Variants in HUWE1 observed in about 807,000 individuals in gnomAD.
The protein encoded by HUWE1 is E3 ubiquitin-protein ligase HUWE1.
Under a neutral mutation model 299.4 loss-of-function variants are expected in HUWE1, and 18 were observed. The observed-to-expected ratio is 0.06, with a 90% confidence interval of 0.04 to 0.09. HUWE1 has a LOEUF of 0.09. HUWE1 is among the 10% of genes least tolerant of loss of function. The probability of loss-of-function intolerance (pLI) is 1.00; values close to 1 mark genes in which losing one functional copy is unlikely to be tolerated. For missense variants in HUWE1, 1,832 were observed against 3,462.3 expected, an observed-to-expected ratio of 0.53 and a Z score of 11.82; for synonymous variants, 1,317 against 1,286.1, an observed-to-expected ratio of 1.02 and a Z score of -0.51.
chrX:53,546,331 T>C, intron 70 of HUWE1, 105 bp downstream of exon 70: 1 of 710,577 alleles, frequency 1.4e-6, no homozygotes, highest in Non-Finnish European at 2.2e-6. Flanking sequence ...TATAGGGATA[T>C]GGAGGTATCT....
chrX:53,557,145 C>T (rs782334501), intron 60 of HUWE1: 15 of 506,605 alleles, frequency 3.0e-5, no homozygotes, highest in Admixed American at 5.1e-5. Flanking sequence ...TAGATAATAA[C>T]CAGAACAAGA....
intron 3 of HUWE1, among the ~76,000 whole-genome samples, chrX:53,671,644 T>A (rs1207961270): frequency 5.5e-5 from 6 of 109,045 alleles, no homozygotes; most frequent in African/African-American, 2.0e-4. Context: ...CAAAAAAAAA[T>A]TAGCCGGGCG....
intron 3 of HUWE1, among the ~76,000 whole-genome samples, chrX:53,668,334 C>T (rs1258212895): frequency 4.6e-5 from 5 of 107,721 alleles, no homozygotes; most frequent in South Asian, 4.2e-4. Flanking sequence ...CCCAGCTACT[C>T]GGGAGGCCGA....
In HUWE1 at chrX:53,594,628, G is replaced by A; in HGVS notation, c.3381-7C>T. On this transcript the variant is annotated splice_region_variant and splice_polypyrimidine_tract_variant and intron_variant, in intron 30 of 83. Coordinates refer to ENST00000262854, the MANE Select transcript of HUWE1 (RefSeq NM_031407.7). ...ACAGATGAAGAATGTCAGCCTGAAA[G>A]TGGAAAAAAAGGCAAAACTTTAACC... 1 of 1,209,381 alleles carries A rather than the reference G, an allele frequency of 8.3e-7. No homozygotes were observed. Among genetic ancestry groups the A allele is most frequent in the Non-Finnish European group, 1.1e-6 (1 of 893,903 alleles).
At position 53,558,951 on chromosome X, in the gene HUWE1, A is replaced by C; in HGVS notation, c.8005+20T>G. The C allele has an allele frequency of 8.4e-7, 1 of 1,190,270 alleles. No individual in the cohort carries two copies. The highest frequency in any genetic ancestry group is 1.1e-6 in the Non-Finnish European group (1 of 879,717). ...CTCTGGAAGGCTCACTATTGCCCTG[A>C]TAACCAAGCTGCCACGCACCTGAAA... On this transcript the variant is annotated intron_variant, in intron 58 of 83. Coordinates refer to ENST00000262854, the MANE Select transcript of HUWE1 (RefSeq NM_031407.7).
intron 49 of HUWE1, among the ~76,000 whole-genome samples, chrX:53,566,113 A>G (rs797034024): frequency 0.021 from 1,186 of 55,463 alleles, 26 homozygotes; most frequent in African/African-American, 0.036. Context: ...GTATGTATGT[A>G]TGTATGTGTG....
Position 53,647,438 on chromosome X carries a change from A to G in HUWE1, c.281T>C (p.Leu94Ser). 1.7e-6 allele frequency: 2 copies of G among 1,209,895 alleles called. No individual in the cohort carries two copies. Among genetic ancestry groups the G allele is most frequent in the Admixed American group, 2.2e-5 (1 of 46,018 alleles). ...PEREQLKMLL[L>S]AVLNFTALLI... is the part of the protein sequence containing the mutation. ...CAAGGCTGTGAAGTTCAACACAGCC[A>G]AGAGAAGCATTTTCAGTTGCTCTCT... Residue 94 changes from leucine (L) to serine (S), a missense_variant, in exon 6 of 84, where the codon TTG (leucine) becomes TCG (serine). Physicochemically the swap from Leu to Ser is moderately radical, Grantham distance 145. This residue lies in a region of HUWE1 where 658 missense variants were observed against 1,282.6 expected (regional missense o/e 0.51). Transcript: ENST00000262854.
At position 53,575,598 on chromosome X, in the gene HUWE1, T is replaced by A. The variant is rs782250887; in HGVS notation, c.6030+45A>T. ...CCTAAATACTGAGACCACACAGGCA[T>A]TGAAAAATGAGAAGAAAGATAAAAC... is the stretch of plus-strand genomic sequence containing the variant. On this transcript the variant is annotated intron_variant, in intron 45 of 83. Coordinates refer to ENST00000262854, the MANE Select transcript of HUWE1 (RefSeq NM_031407.7). 12 of 1,170,332 alleles carry A rather than the reference T, an allele frequency of 1.0e-5. No individual in the cohort carries two copies. The East Asian group carries it at 1.5e-4, about 15-fold the overall frequency.
At chrX:53,600,737 G>A (rs782616035) in intron 28 of HUWE1, among the ~76,000 whole-genome samples, 5 of 112,634 alleles carry the variant, frequency 4.4e-5, no homozygotes, top group Non-Finnish European at 5.6e-5. Context: ...TTATGTATAT[G>A]AATGTGACAT....
intron 4 of HUWE1, among the ~76,000 whole-genome samples, chrX:53,653,020 A>G (rs1363713028): frequency 8.9e-6 from 1 of 111,898 alleles, no homozygotes. Flanking sequence ...GGTGGCATGC[A>G]CCTATGGTCC....
rs781986790 is a variant in HUWE1 at position 53,600,263 on chromosome X, C to G, written c.3018G>C (p.Gln1006His). The G allele has an allele frequency of 8.3e-7, 1 of 1,210,405 alleles. No homozygotes were observed. Among genetic ancestry groups the G allele is most frequent in the South Asian group, 1.8e-5 (1 of 56,822 alleles). The change falls in exon 29 of 84, where the codon CAG (glutamine) becomes CAC (histidine). Residue 1006 changes from glutamine (Q) to histidine (H), a missense_variant. Around this residue, in one of 15 missense-constraint regions of HUWE1, gnomAD observed 658 missense variants for 1,282.6 expected, o/e 0.51. Coordinates refer to ENST00000262854, the MANE Select transcript of HUWE1 (RefSeq NM_031407.7). Reference sequence around the variant, plus strand: ...CTAGCCCAATGCCTTCTAATAAGCCCTGGGTAGAAGCATCCATACTTCCAG... The same window carrying G: ...CTAGCCCAATGCCTTCTAATAAGCCGTGGGTAGAAGCATCCATACTTCCAG... ...GAAGSMDAST[Q>H]GLLEGIGLDG...
chrX:53,670,017 G>T (rs1399351698), intron 3 of HUWE1, among the ~76,000 whole-genome samples: 1 of 111,874 alleles, frequency 8.9e-6, no homozygotes, highest in Non-Finnish European at 1.9e-5. Flanking sequence ...CCTTTAATTT[G>T]AAAAAGTTTT....
intron 5 of HUWE1, 114 bp from the exon 6 acceptor site, chrX:53,647,688 C>T: frequency 1.7e-6 from 1 of 587,212 alleles, no homozygotes; most frequent in Admixed American, 2.3e-5. Flanking sequence ...GACAAGTTCA[C>T]GTCCCACCCT....
Position 53,535,173 on chromosome X carries a change from G to C in HUWE1, c.12649+211C>G, listed in dbSNP as rs189274828. On this transcript the variant is annotated intron_variant, in intron 81 of 83. Coordinates refer to ENST00000262854, the MANE Select transcript of HUWE1 (RefSeq NM_031407.7). ...TGGTCTCAAACTCCTCACCTCAACTGATCCGCCCACCTTGGCCTCCCAAAG... is the reference window on the plus strand; with the variant it reads ...TGGTCTCAAACTCCTCACCTCAACTCATCCGCCCACCTTGGCCTCCCAAAG... 2.9e-3 allele frequency among the ~76,000 whole-genome samples: 320 copies of C among 111,270 alleles called. 1 individual carries two copies. Among genetic ancestry groups the C allele is most frequent in the Non-Finnish European group, 5.0e-3 (265 of 53,001 alleles).
intron 7 of HUWE1, among the ~76,000 whole-genome samples, chrX:53,636,410 G>A (rs782292868): frequency 4.4e-5 from 5 of 112,857 alleles, no homozygotes; most frequent in East Asian, 2.8e-4. Context: ...TACAAGGTTC[G>A]ACATTCATTA....
At position 53,648,227 on chromosome X, in the gene HUWE1, T is replaced by A. The variant is rs2068198751; in HGVS notation, c.129A>T (p.Thr43=). Residue 43 remains threonine, a synonymous_variant, in exon 5 of 84, where the codon ACA becomes ACT. Transcript: ENST00000262854. ...QLLLELQQIK[T]WNIGKCELYH... ...CTTCACATACCTTTCCAATGTTCCA[T>A]GTTTTGATCTGCTGCAGTTCCAAGA... is the stretch of plus-strand genomic sequence containing the variant. The A allele has an allele frequency of 8.4e-7, 1 of 1,194,175 alleles. No individual in the cohort carries two copies. The highest frequency in any genetic ancestry group is 1.8e-5 in the African/African-American group (1 of 56,854).
intron 44 of HUWE1, among the ~76,000 whole-genome samples, chrX:53,576,041 T>C (rs1208902515): frequency 8.9e-6 from 1 of 112,386 alleles, no homozygotes; most frequent in African/African-American, 3.2e-5. Context: ...CCTGGCACTA[T>C]TGCTCATGCA....
chrX:53,660,337 T>C (rs1306724665), intron 3 of HUWE1, among the ~76,000 whole-genome samples: 2 of 112,122 alleles, frequency 1.8e-5, no homozygotes, highest in African/African-American at 6.5e-5. Flanking sequence ...GTGTAAGCAT[T>C]TGATGCACCC....
At chrX:53,596,564 G>C (rs1048459461) in intron 29 of HUWE1, among the ~76,000 whole-genome samples, 1 of 111,932 alleles carries the variant, frequency 8.9e-6, no homozygotes. Context: ...TTGTAGCCAC[G>C]ACCTGCTGAT....
Sources: gnomAD v4.1 joint callset for allele counts (sites outside exome capture counted in the v4.1 genomes callset) on GRCh38, gnomAD v4.1.1 for gene constraint, gnomAD v4.1.1 regional missense constraint, MANE v1.5 for transcripts, NCBI Gene and HGNC (gene_info 2026-07-23, HGNC 2026-07-21) for gene names.